The following RRM1 variants were observed in gnomAD, a reference collection of about 807,000 sequenced individuals.
The protein encoded by RRM1 is ribonucleoside-diphosphate reductase large subunit.
In RRM1, 19 loss-of-function variants were observed where a neutral mutation model predicts 101.5. The ratio of observed to expected loss-of-function variants is 0.19; its 90% CI spans 0.13 to 0.27. The LOEUF (loss-of-function observed/expected upper bound fraction) is 0.27, where lower values mean the gene tolerates loss of function less well. RRM1 is among the 10% of genes least tolerant of loss of function. RRM1 has a pLI of 1.00. For missense variants in RRM1, 500 were observed against 962.9 expected, an observed-to-expected ratio of 0.52 and a Z score of 6.36; for synonymous variants, 298 against 323.4, an observed-to-expected ratio of 0.92 and a Z score of 0.84.
At chr11:4,134,214 C>G (rs747838259) in intron 17 of RRM1, among the ~76,000 whole-genome samples, 1 of 152,042 alleles carries the variant, frequency 6.6e-6, no homozygotes, top group Non-Finnish European at 1.5e-5. Flanking sequence ...TCAGGTGATC[C>G]GCCTGCCTTG....
At chr11:4,102,173 C>T (rs913371317) in intron 2 of RRM1, 92 bp downstream of exon 2, 10 of 710,810 alleles carry the variant, frequency 1.4e-5, no homozygotes, top group African/African-American at 1.3e-4. Context: ...ACCTGATATA[C>T]TTTGGTATTC....
Position 4,132,989 on chromosome 11 carries a change from T to C in RRM1, c.1905+568T>C, listed in dbSNP as rs2094602908. ...TTTTTTTAACCTAAGTATTTATAGA[T>C]TTACCCATCTTAGGCGCTATTCTTT... On this transcript the variant is annotated intron_variant, in intron 16 of 18. Coordinates refer to ENST00000300738, the MANE Select transcript of RRM1 (RefSeq NM_001033.5). This position sits in a 1 kb window ranked among gnomAD's most constrained non-coding sequence, Gnocchi z 4.1. 6.6e-6 allele frequency among the ~76,000 whole-genome samples: 1 copy of C among 152,218 alleles called. No individual in the cohort carries two copies. The highest frequency in any genetic ancestry group is 6.5e-5 in the Admixed American group (1 of 15,270).
intron 14 of RRM1, among the ~76,000 whole-genome samples, chr11:4,128,435 G>A (rs1017102780): frequency 7.1e-4 from 108 of 152,154 alleles, no homozygotes; most frequent in Non-Finnish European, 5.3e-4. Flanking sequence ...ATTTAACTCA[G>A]AATCGGCTGA....
Position 4,135,066 on chromosome 11 carries a change from G to C in RRM1, c.2002-16G>C. Reference sequence around the variant, plus strand: ...TTTAACTGGAGTAAAGTAAACATTGGGTTTTCCTTCTTTAGAGCATACCAG... The same window carrying C: ...TTTAACTGGAGTAAAGTAAACATTGCGTTTTCCTTCTTTAGAGCATACCAG... On this transcript the variant is annotated splice_polypyrimidine_tract_variant and intron_variant, in intron 17 of 18. Coordinates refer to ENST00000300738, the MANE Select transcript of RRM1 (RefSeq NM_001033.5). 5.7e-6 allele frequency: 9 copies of C among 1,578,096 alleles called. No homozygotes were observed. Among genetic ancestry groups the C allele is most frequent in the Non-Finnish European group, 7.8e-6 (9 of 1,156,110 alleles).
chr11:4,110,830 ACT>A (rs2094564388), intron 5 of RRM1, among the ~76,000 whole-genome samples: 1 of 150,906 alleles, frequency 6.6e-6, no homozygotes, highest in African/African-American at 2.4e-5. Flanking sequence ...CAACATATAC[ACT>A]CATTTAATCC....
chr11:4,104,586 G>T (rs1462780800), intron 2 of RRM1, among the ~76,000 whole-genome samples: 1 of 152,162 alleles, frequency 6.6e-6, no homozygotes, highest in Non-Finnish European at 1.5e-5. Flanking sequence ...GGGGCCAGAA[G>T]ACTTGTATAA....
intron 7 of RRM1, among the ~76,000 whole-genome samples, chr11:4,113,972 T>C (rs943625273): frequency 4.0e-5 from 6 of 150,042 alleles, no homozygotes; most frequent in African/African-American, 1.5e-4. Flanking sequence ...ACTAAAAATA[T>C]AGATATAAAA....
At chr11:4,129,713 A>G (rs541401708) in intron 15 of RRM1, among the ~76,000 whole-genome samples, 65 of 152,256 alleles carry the variant, frequency 4.3e-4, no homozygotes, top group African/African-American at 1.5e-3. Flanking sequence ...TAACAAAGCA[A>G]ATTGTTTTTG....
At chr11:4,106,932 CG>C (rs913575307) in intron 3 of RRM1, among the ~76,000 whole-genome samples, 22 of 151,568 alleles carry the variant, frequency 1.5e-4, no homozygotes, top group African/African-American at 4.1e-4. Context: ...TTGCTCTTAT[CG>C]CCTAGGCTGG....
chr11:4,094,933 C>A lies in RRM1; in HGVS notation c.-80C>A. ...CGCCTGGAACCTAACCCTTCCCACT[C>A]TGTCACCTTCTCGATCCCGCCGGCG... On this transcript the variant is annotated 5_prime_UTR_variant, in exon 1 of 19. It adds an upstream start codon to the 5' untranslated region. Transcript: ENST00000300738. 1 of 1,473,770 alleles carries A rather than the reference C, an allele frequency of 6.8e-7. No individual in the cohort carries two copies. 91.3% of individuals were successfully genotyped at this position (1,473,770 alleles called of 1,614,324 possible).
At chr11:4,105,154 C>A (rs576234284) in intron 2 of RRM1, among the ~76,000 whole-genome samples, 1 of 152,194 alleles carries the variant, frequency 6.6e-6, no homozygotes, top group South Asian at 2.1e-4. Flanking sequence ...GATAGTTCTG[C>A]TGGATTATGC....
intron 18 of RRM1, chr11:4,137,286 A>AC (rs2094612780): frequency 4.5e-6 from 1 of 221,888 alleles, no homozygotes; most frequent in Middle Eastern, 1.7e-3. Context: ...GCTGTTGGGC[A>AC]CACCTCCCAG....
intron 15 of RRM1, among the ~76,000 whole-genome samples, chr11:4,130,208 G>T (rs1004755386): frequency 2.2e-4 from 33 of 149,320 alleles, no homozygotes; most frequent in African/African-American, 8.0e-4. Flanking sequence ...CTCAAATACA[G>T]AAATAAAATA....
At chr11:4,097,431 T>C (rs566621257) in intron 1 of RRM1, among the ~76,000 whole-genome samples, 4 of 152,184 alleles carry the variant, frequency 2.6e-5, no homozygotes, top group East Asian at 1.9e-4. Context: ...AGACTTAATA[T>C]ACAACATGTA....
chr11:4,107,747 A>T (rs987072857), intron 4 of RRM1, among the ~76,000 whole-genome samples: 2 of 152,152 alleles, frequency 1.3e-5, no homozygotes, highest in African/African-American at 4.8e-5. Context: ...ATACATGTGT[A>T]TGTGTGTACA....
At chr11:4,105,288 A>G (rs527924322) in intron 2 of RRM1, among the ~76,000 whole-genome samples, 33 of 152,140 alleles carry the variant, frequency 2.2e-4, no homozygotes, top group Admixed American at 5.9e-4. Context: ...GTGCAGTGCC[A>G]TGATCATAGA....
chr11:4,102,680 GTAAAGC>G (rs1008405875), intron 2 of RRM1, among the ~76,000 whole-genome samples: 1 of 151,610 alleles, frequency 6.6e-6, no homozygotes, highest in Non-Finnish European at 1.5e-5. Context: ...GAAGCCTAGA[GTAAAGC>G]TTGTTTTGGA....
intron 9 of RRM1, 32 bp downstream of exon 9, chr11:4,119,960 CAGAACTAA>C: frequency 7.6e-7 from 1 of 1,308,760 alleles, no homozygotes; most frequent in South Asian, 1.2e-5. Flanking sequence ...TACTGGAAAT[CAGAACTAA>C]AGGTGATTTA....
rs777926864 is a variant in RRM1, at chr11:4,095,041, G to T, written c.19+10G>T. 23 of 1,568,444 alleles carry T rather than the reference G, an allele frequency of 1.5e-5. No homozygotes were observed. The highest frequency in any genetic ancestry group is 2.0e-5 in the Non-Finnish European group (23 of 1,156,984). On this transcript the variant is annotated intron_variant, in intron 1 of 18. Transcript: ENST00000300738. ...CATGTGATCAAGCGAGGTGAGGGGG[G>T]GACGAGGTGGGCGAGAAGGAAGGTG...
Sources: allele counts gnomAD v4.1 joint callset (sites outside exome capture counted in the v4.1 genomes callset), GRCh38; gene constraint gnomAD v4.1.1; non-coding constraint Gnocchi (gnomAD v3.1); transcripts MANE v1.5; gene names NCBI Gene and HGNC (gene_info 2026-07-23, HGNC 2026-07-21).